The following CACHD1 variants were observed in gnomAD, a reference collection of about 807,000 sequenced individuals.
The protein encoded by CACHD1 is VWFA and cache domain-containing protein 1.
CACHD1 carries 71 observed loss-of-function variants against 138.7 expected under a neutral mutation model. That is an observed-to-expected ratio of 0.51 (90% CI 0.42 to 0.62). The LOEUF (loss-of-function observed/expected upper bound fraction) is 0.62. CACHD1 is among the 20% of genes least tolerant of loss of function. The probability of loss-of-function intolerance (pLI) is 0.00; values close to 1 mark genes in which losing one functional copy is unlikely to be tolerated. For synonymous variants in CACHD1, 578 were observed against 591.5 expected (o/e 0.98, Z 0.33); for missense variants, 1,389 against 1,625.3 (o/e 0.85, Z 2.50).
At position 64,673,537 on chromosome 1, in the gene CACHD1, G is replaced by A. The variant is rs1429745017; in HGVS notation, c.2727+73G>A. Reference sequence around the variant, plus strand: ...GGAACATGAATTGGAATCATGGCTAGTGTCTGAATATTATTCCTACCTGTT... The same window carrying A: ...GGAACATGAATTGGAATCATGGCTAATGTCTGAATATTATTCCTACCTGTT... On this transcript the variant is annotated intron_variant, in intron 19 of 26. Coordinates refer to ENST00000651257, the MANE Select transcript of CACHD1 (RefSeq NM_020925.4). 3 of 1,182,456 alleles carry A rather than the reference G, an allele frequency of 2.5e-6. No individual in the cohort carries two copies. The African/African-American group carries it at 4.5e-5, about 18-fold the overall frequency. The allele number at this position is 1,182,456 out of a possible 1,614,324, so 73.2% of individuals were successfully genotyped here.
intron 2 of CACHD1, among the ~76,000 whole-genome samples, chr1:64,574,191 A>T (rs7550004): frequency 0.15 from 22,948 of 152,072 alleles, 3,203 homozygotes; most frequent in African/African-American, 0.37. Context: ...TTAGAAGAAA[A>T]GGTCTTTTTG....
At chr1:64,534,044 ATTTTTT>A (rs1190973908) in intron 1 of CACHD1, among the ~76,000 whole-genome samples, 1 of 110,564 alleles carries the variant, frequency 9.0e-6, no homozygotes, top group Non-Finnish European at 1.9e-5. Flanking sequence ...TGAGCCCAGC[ATTTTTT>A]TTTTTTTTTT....
intron 1 of CACHD1, among the ~76,000 whole-genome samples, chr1:64,545,738 T>C (rs75325541): frequency 6.6e-6 from 1 of 152,198 alleles, no homozygotes; most frequent in Non-Finnish European, 1.5e-5. Context: ...GGATTGGAAT[T>C]GCTGAGTCAT....
chr1:64,497,640 C>T (rs183499998), intron 1 of CACHD1, among the ~76,000 whole-genome samples: 30 of 152,250 alleles, frequency 2.0e-4, no homozygotes, highest in Admixed American at 1.8e-3. Context: ...AATGAGTCAG[C>T]CTCTGGCGGG....
chr1:64,637,228 C>T (rs1173511358), intron 7 of CACHD1, among the ~76,000 whole-genome samples: 2 of 152,190 alleles, frequency 1.3e-5, no homozygotes, highest in African/African-American at 4.8e-5. Flanking sequence ...GTTAGACTAG[C>T]AGTTGCAAAC....
chr1:64,560,235 C>G (rs1646828750), intron 2 of CACHD1, among the ~76,000 whole-genome samples: 1 of 151,766 alleles, frequency 6.6e-6, no homozygotes, highest in Non-Finnish European at 1.5e-5. Flanking sequence ...GATTTATGTT[C>G]TTTATTATTT....
rs35407984 is a variant in CACHD1, at chr1:64,561,858, C to CAA, written c.261+11218_261+11219dup. 3.4e-3 allele frequency among the ~76,000 whole-genome samples: 392 copies of CAA among 116,298 alleles called. 3 individuals are homozygous for CAA. The highest frequency in any genetic ancestry group is 6.8e-3 in the African/African-American group (195 of 28,510). The allele number at this position is 116,298 out of a possible 152,430, so 76.3% of individuals were successfully genotyped here. A position where few individuals can be genotyped will look rare whatever the true frequency, so the allele number is the denominator to read the frequency against. ...GGGGAACAGAGCAAGACACTGTCTCCAAAAAAAAAAAAAAAAAGTTTCTAT... is the reference window on the plus strand; with the variant it reads ...GGGGAACAGAGCAAGACACTGTCTCCAAAAAAAAAAAAAAAAAAAGTTTCTAT... On this transcript the variant is annotated intron_variant, in intron 2 of 26. Transcript: ENST00000651257.
rs982998584 is a variant in CACHD1, at chr1:64,523,612, G to C, written c.199-26982G>C. Among the ~76,000 whole-genome samples, 5 of 152,200 alleles carry C rather than the reference G, an allele frequency of 3.3e-5. No homozygotes were observed. In the South Asian group the frequency reaches 8.3e-4, roughly 25 times the overall value. On this transcript the variant is annotated intron_variant, in intron 1 of 26. Coordinates refer to ENST00000651257, the MANE Select transcript of CACHD1 (RefSeq NM_020925.4). ...GAATAAACCTGTGGCTCACAGTGCC[G>C]TTTTTCCTTCATGTGTTATTGATGT...
At chr1:64,599,132 C>T (rs1647189509) in intron 3 of CACHD1, among the ~76,000 whole-genome samples, 2 of 151,872 alleles carry the variant, frequency 1.3e-5, no homozygotes, top group Non-Finnish European at 2.9e-5. Context: ...TCTGCCAGTA[C>T]CTTAATCATG....
chr1:64,626,108 T>C (rs1355210877), intron 4 of CACHD1, among the ~76,000 whole-genome samples: 1 of 152,266 alleles, frequency 6.6e-6, no homozygotes, highest in Non-Finnish European at 1.5e-5. Context: ...GTTGTTCCAG[T>C]ATTTTCTTCT....
chr1:64,676,474 A>G (rs999793010), intron 21 of CACHD1, among the ~76,000 whole-genome samples: 2 of 152,074 alleles, frequency 1.3e-5, no homozygotes, highest in Admixed American at 1.3e-4. Flanking sequence ...TTGTGTGTGT[A>G]TAATTGTTTG....
intron 1 of CACHD1, among the ~76,000 whole-genome samples, chr1:64,503,822 T>C (rs781628433): frequency 6.6e-6 from 1 of 152,234 alleles, no homozygotes; most frequent in Non-Finnish European, 1.5e-5. Flanking sequence ...ATCATTGTTT[T>C]GGGCTCTAAT....
intron 13 of CACHD1, among the ~76,000 whole-genome samples, chr1:64,663,053 C>G (rs1378384270): frequency 6.6e-6 from 1 of 152,252 alleles, no homozygotes; most frequent in Non-Finnish European, 1.5e-5. Context: ...ACCTGCCCAA[C>G]ATCACACAGC....
At chr1:64,474,578 A>G (rs562748734) in intron 1 of CACHD1, among the ~76,000 whole-genome samples, 2 of 152,360 alleles carry the variant, frequency 1.3e-5, no homozygotes, top group East Asian at 3.9e-4. Flanking sequence ...CTTACTGAGC[A>G]TGGAGCTCTA....
intron 4 of CACHD1, among the ~76,000 whole-genome samples, chr1:64,605,278 A>G (rs1434119706): frequency 1.3e-5 from 2 of 152,148 alleles, no homozygotes; most frequent in Admixed American, 1.3e-4. Flanking sequence ...TTTAAGAATT[A>G]GTGTGCATTT....
intron 1 of CACHD1, among the ~76,000 whole-genome samples, chr1:64,499,666 G>A (rs1399740166): frequency 6.6e-6 from 1 of 152,198 alleles, no homozygotes; most frequent in East Asian, 1.9e-4. Flanking sequence ...AGCCCATGGA[G>A]AACTTTATCA....
Position 64,514,457 on chromosome 1 carries a change from C to T in CACHD1, c.199-36137C>T, listed in dbSNP as rs570641231. ...ACTGTGAGTTTTCTTTTTTGTAGCT[C>T]GATATAAAAGTCTTCTAGCTTTAAC... On this transcript the variant is annotated intron_variant, in intron 1 of 26. Coordinates refer to ENST00000651257, the MANE Select transcript of CACHD1 (RefSeq NM_020925.4). Among the ~76,000 whole-genome samples, 16 of 152,068 alleles carry T rather than the reference C, an allele frequency of 1.1e-4. No homozygotes were observed. The South Asian group carries it at 2.5e-3, about 24-fold the overall frequency.
chr1:64,498,204 G>A (rs996521642), intron 1 of CACHD1, among the ~76,000 whole-genome samples: 1 of 152,174 alleles, frequency 6.6e-6, no homozygotes, highest in Non-Finnish European at 1.5e-5. Context: ...AAAGCTCGGA[G>A]AGAGCTACCA....
At chr1:64,667,220 A>G (rs1446705805) in intron 16 of CACHD1, among the ~76,000 whole-genome samples, 2 of 152,194 alleles carry the variant, frequency 1.3e-5, no homozygotes, top group African/African-American at 2.4e-5. Context: ...GAAAGATCAT[A>G]TTTTGACTGG....
Sources: allele counts gnomAD v4.1 joint callset (sites outside exome capture counted in the v4.1 genomes callset), GRCh38; gene constraint gnomAD v4.1.1; transcripts MANE v1.5; gene names NCBI Gene and HGNC (gene_info 2026-07-23, HGNC 2026-07-21).